ITPRID1: variants seen among roughly 807,000 people sequenced by gnomAD.
The protein encoded by ITPRID1 is ITPR interacting domain containing 1.
ITPRID1 carries 96 observed loss-of-function variants against 95.4 expected under a neutral mutation model. That is an observed-to-expected ratio of 1.01 (90% CI 0.85 to 1.19). ITPRID1 has a LOEUF of 1.19. Among genes scored for constraint, ITPRID1 ranks in the 50% most tolerant of loss-of-function variants. The probability of loss-of-function intolerance (pLI) is 0.00; values close to 1 mark genes in which losing one functional copy is unlikely to be tolerated. For synonymous variants in ITPRID1, 510 were observed against 453.6 expected (o/e 1.12, Z -1.58); for missense variants, 1,339 against 1,252.9 (o/e 1.07, Z -1.04).
At chr7:31,545,158 T>G (rs1444086026) in intron 1 of ITPRID1, among the ~76,000 whole-genome samples, 1 of 152,144 alleles carries the variant, frequency 6.6e-6, no homozygotes, top group East Asian at 1.9e-4. Context: ...TTCTATAGAA[T>G]AAGTTCTATT....
chr7:31,567,405 T>C (rs1326600706), intron 5 of ITPRID1, among the ~76,000 whole-genome samples: 1 of 152,216 alleles, frequency 6.6e-6, no homozygotes, highest in Non-Finnish European at 1.5e-5. Flanking sequence ...CTCAATCTTA[T>C]GTGATAATTC....
At chr7:31,540,782 A>G (rs10265464) in intron 1 of ITPRID1, among the ~76,000 whole-genome samples, 88,425 of 152,012 alleles carry the variant, frequency 0.58, 26,818 homozygotes, top group Middle Eastern at 0.71. Flanking sequence ...TGAGGTTCCA[A>G]GATAACTTTG....
intron 2 of ITPRID1, among the ~76,000 whole-genome samples, chr7:31,551,299 C>A (rs1352711739): frequency 7.0e-6 from 1 of 143,296 alleles, no homozygotes; most frequent in African/African-American, 2.5e-5. Context: ...CTATGTGAAG[C>A]TAAATAACTA....
intron 10 of ITPRID1, among the ~76,000 whole-genome samples, chr7:31,604,138 G>T (rs916811547): frequency 1.3e-5 from 2 of 152,214 alleles, no homozygotes; most frequent in Non-Finnish European, 2.9e-5. Flanking sequence ...CTACACGGGG[G>T]TTAGTATGTG....
intron 10 of ITPRID1, among the ~76,000 whole-genome samples, chr7:31,599,609 C>T (rs796623311): frequency 1.0e-4 from 5 of 49,114 alleles, no homozygotes; most frequent in Admixed American, 3.6e-4. Context: ...TTCTTTCTTT[C>T]TTTCTTTCTT....
In ITPRID1 at chr7:31,551,503, A is replaced by G. The variant is rs1183516781; in HGVS notation, c.-23-1499A>G. Among the ~76,000 whole-genome samples, 2 of 143,670 alleles carry G rather than the reference A, an allele frequency of 1.4e-5. 1 individual carries two copies. The highest frequency in any genetic ancestry group is 3.1e-5 in the Non-Finnish European group (2 of 63,764). 94.3% of individuals were successfully genotyped at this position (143,670 alleles called of 152,430 possible). A position where few individuals can be genotyped will look rare whatever the true frequency, so the allele number is the denominator to read the frequency against. ...TAAAATATTGACTGTTAATATAGAT[A>G]TAACTATTTTTTCCCTTAATTTTTA... is the stretch of plus-strand genomic sequence containing the variant. On this transcript the variant is annotated intron_variant, in intron 2 of 14. Transcript: ENST00000615280.
chr7:31,633,202 C>T (rs964050437), intron 10 of ITPRID1, among the ~76,000 whole-genome samples: 3 of 152,022 alleles, frequency 2.0e-5, no homozygotes, highest in East Asian at 1.9e-4. Flanking sequence ...GGGAGATTTA[C>T]GCTGAGGAGA....
intron 10 of ITPRID1, among the ~76,000 whole-genome samples, chr7:31,631,640 A>C (rs1477645014): frequency 6.6e-6 from 1 of 152,206 alleles, no homozygotes; most frequent in Non-Finnish European, 1.5e-5. Context: ...ACTGAAGAAC[A>C]AAGGGACTGC....
At chr7:31,537,660 T>C (rs930287280) in intron 1 of ITPRID1, among the ~76,000 whole-genome samples, 2 of 152,216 alleles carry the variant, frequency 1.3e-5, no homozygotes, top group African/African-American at 4.8e-5. Flanking sequence ...TCACTGTTCT[T>C]ATTCCATTGA....
Position 31,655,168 on chromosome 7 carries a change from G to T in ITPRID1, c.*2339G>T, listed in dbSNP as rs965590044. 6.6e-6 allele frequency among the ~76,000 whole-genome samples: 1 copy of T among 152,034 alleles called. No homozygotes were observed. The highest frequency in any genetic ancestry group is 2.4e-5 in the African/African-American group (1 of 41,406). ...GACTTGGCTGTATGTCTCACTCTTG[G>T]CTAAAGCTGACCTGGTCATTGCCCC... On this transcript the variant is annotated 3_prime_UTR_variant, in exon 15 of 15. Transcript: ENST00000615280.
chr7:31,544,237 A>G (rs1265039641), intron 1 of ITPRID1, among the ~76,000 whole-genome samples: 1 of 152,120 alleles, frequency 6.6e-6, no homozygotes, highest in Non-Finnish European at 1.5e-5. Flanking sequence ...ATTTTTTATC[A>G]AGTTGAAGAT....
chr7:31,616,828 C>T (rs1583585568), intron 10 of ITPRID1, among the ~76,000 whole-genome samples: 1 of 151,890 alleles, frequency 6.6e-6, no homozygotes, highest in East Asian at 1.9e-4. Context: ...GATTGTGATT[C>T]AAACAATTAT....
In ITPRID1 at chr7:31,640,507, G is replaced by A. The variant is rs960654166; in HGVS notation, c.1229-1669G>A. On this transcript the variant is annotated intron_variant, in intron 10 of 14. Transcript: ENST00000615280. ...TCAAGTGTCTGCAAGGCTCAGCCTG[G>A]GTTCCCCCTTCTCATGCCAAGACCT... is the stretch of plus-strand genomic sequence containing the variant. 3.3e-5 allele frequency among the ~76,000 whole-genome samples: 5 copies of A among 152,208 alleles called. No homozygotes were observed. In the East Asian group the frequency reaches 9.6e-4, roughly 29 times the overall value.
intron 1 of ITPRID1, among the ~76,000 whole-genome samples, chr7:31,519,620 C>CTCTCTCTCTCTCTCTATATATATATATA: frequency 7.9e-5 from 2 of 25,270 alleles, no homozygotes; most frequent in African/African-American, 1.4e-4. Flanking sequence ...CTCTCTCTCT[C>CTCTCTCTCTCTCTCTATATATATATATA]TATATATATA....
rs58067998 is a variant in ITPRID1, at chr7:31,522,726, G to T, written c.-98+8606G>T. ...TAGACAGAAATTCCAGGGATGGCAA[G>T]CTGTGTAGAACACAATCTTAAATTA... On this transcript the variant is annotated intron_variant, in intron 1 of 14. Coordinates refer to ENST00000615280, the MANE Select transcript of ITPRID1 (RefSeq NM_001257967.3). Among the ~76,000 whole-genome samples, 492 of 152,292 alleles carry T rather than the reference G, an allele frequency of 3.2e-3. 1 individual carries two copies. The highest frequency in any genetic ancestry group is 9.7e-3 in the African/African-American group (405 of 41,558).
chr7:31,572,544 T>TATA (rs1785028380), intron 7 of ITPRID1, among the ~76,000 whole-genome samples: 3 of 152,210 alleles, frequency 2.0e-5, no homozygotes, highest in Admixed American at 2.0e-4. Context: ...ATAGAGTATG[T>TATA]TACTATACAT....
intron 10 of ITPRID1, among the ~76,000 whole-genome samples, chr7:31,603,619 C>T: frequency 6.6e-6 from 1 of 152,160 alleles, no homozygotes; most frequent in East Asian, 1.9e-4. Flanking sequence ...AGTGTTCATT[C>T]ACAATTTTTA....
At chr7:31,651,377 A>G in intron 13 of ITPRID1, 108 bp downstream of exon 13, 1 of 1,264,834 alleles carries the variant, frequency 7.9e-7, no homozygotes, top group Non-Finnish European at 1.0e-6. Flanking sequence ...CTAATGAGAA[A>G]CCGGCCAGCT....
intron 10 of ITPRID1, among the ~76,000 whole-genome samples, chr7:31,590,409 A>G (rs1435560755): frequency 9.2e-5 from 14 of 152,218 alleles, no homozygotes; most frequent in Admixed American, 9.2e-4. Flanking sequence ...AGACAGATCC[A>G]AGAAATACTA....
Sources: gnomAD v4.1 joint callset for allele counts (sites outside exome capture counted in the v4.1 genomes callset) on GRCh38, gnomAD v4.1.1 for gene constraint, MANE v1.5 for transcripts, NCBI Gene and HGNC (gene_info 2026-07-23, HGNC 2026-07-21) for gene names.